Variants in PHRF1 observed in about 807,000 individuals in gnomAD.
PHRF1 encodes PHD and RING finger domain-containing protein 1.
In PHRF1, 53 loss-of-function variants were observed where a neutral mutation model predicts 128.9. The observed-to-expected ratio is 0.41, with a 90% CI of 0.33 to 0.52. The LOEUF is 0.52. Ranked by LOEUF, PHRF1 falls within the 20% of genes least tolerant of loss-of-function variation. PHRF1 has a pLI of 0.21. For synonymous variants in PHRF1, 1,178 were observed against 980.6 expected, an observed-to-expected ratio of 1.20 and a Z score of -3.76; for missense variants, 2,503 against 2,284.5, an observed-to-expected ratio of 1.10 and a Z score of -1.95.
chr11:599,101 T>G (rs1855477881), intron 9 of PHRF1, among the ~76,000 whole-genome samples: 1 of 152,218 alleles, frequency 6.6e-6, no homozygotes, highest in African/African-American at 2.4e-5. Flanking sequence ...GCGTGCACAT[T>G]TGGCTCTCAG....
chr11:609,793 A>T, intron 14 of PHRF1, 73 bp downstream of exon 14: 1 of 1,059,090 alleles, frequency 9.4e-7, no homozygotes, highest in Non-Finnish European at 1.3e-6. Context: ...CCGAGGACAG[A>T]GCCCCCCGTG....
In PHRF1 at chr11:587,413, G is replaced by A. The variant is rs780551636; in HGVS notation, c.369G>A (p.Pro123=). 6 of 1,613,708 alleles carry A rather than the reference G, an allele frequency of 3.7e-6. No homozygotes were observed. The highest frequency in any genetic ancestry group is 3.4e-4 in the Middle Eastern group (2 of 5,904). The change falls in exon 4 of 18, where the codon CCG becomes CCA. Residue 123 remains proline, a synonymous_variant. Transcript: ENST00000264555. ...NAFRDQAVGT[P]ENCAHYFCLD... ...TCAGAGACCAGGCCGTGGGGACGCC[G>A]GAGAACTGTGCCCATTACTTCTGCC...
rs1454664736 is a variant in PHRF1 at position 582,095 on chromosome 11, T to C, written c.214+14T>C. 3.8e-6 allele frequency: 6 copies of C among 1,576,592 alleles called. No homozygotes were observed. Among genetic ancestry groups the C allele is most frequent in the Middle Eastern group, 1.7e-4 (1 of 6,016 alleles). ...AAGACAGATCTGGTGAGACAGCTGG[T>C]GTTCACGCCGGCTCCTGTGTTTCCT... On this transcript the variant is annotated intron_variant, in intron 3 of 17. Coordinates refer to ENST00000264555, the MANE Select transcript of PHRF1 (RefSeq NM_001286581.2).
At position 592,555 on chromosome 11, in the gene PHRF1, C is replaced by T. The variant is rs1855041529; in HGVS notation, c.505-4C>T. 6.2e-7 allele frequency: 1 copy of T among 1,613,742 alleles called. No homozygotes were observed. The highest frequency in any genetic ancestry group is 8.5e-7 in the Non-Finnish European group (1 of 1,179,720). ...TGTGGTGGTGACCGACGATTCTGTC[C>T]TAGATCCCAGTGGAGAACACCAAAG... On this transcript the variant is annotated splice_polypyrimidine_tract_variant and splice_region_variant and intron_variant, in intron 5 of 17. Transcript: ENST00000264555.
At chr11:584,149 C>T (rs1854384564) in intron 3 of PHRF1, among the ~76,000 whole-genome samples, 8 of 152,232 alleles carry the variant, frequency 5.3e-5, no homozygotes, top group Admixed American at 5.2e-4. Context: ...TCTGCACGTG[C>T]TCTGCGGGTC....
chr11:600,836 G>C (rs1855584786), intron 9 of PHRF1, among the ~76,000 whole-genome samples: 1 of 152,018 alleles, frequency 6.6e-6, no homozygotes, highest in African/African-American at 2.4e-5. Flanking sequence ...CATGGTGGCG[G>C]GCGCCTGTAG....
rs539237004 is a variant in PHRF1, at chr11:608,262, T to A, written c.2806T>A (p.Ser936Thr). The A allele has an allele frequency of 3.7e-6, 6 of 1,608,938 alleles. No homozygotes were observed. The highest frequency in any genetic ancestry group is 8.5e-7 in the Non-Finnish European group (1 of 1,179,356). ...QGLAARLRRP[S>T]PPEPWDEEDG... ...CCTGGCTGCCCGGCTGCGGAGGCCA[T>A]CCCCCCCAGAGCCCTGGGATGAGGA... Residue 936 changes from serine to threonine, a missense_variant, in exon 14 of 18, where the codon TCC (serine) becomes ACC (threonine). Physicochemically the swap from Ser to Thr is moderately conservative, Grantham distance 58. Transcript: ENST00000264555.
Position 598,473 on chromosome 11 carries a change from G to A in PHRF1, c.995G>A (p.Arg332His), listed in dbSNP as rs374494964. Residue 332 changes from arginine (R) to histidine (H), a missense_variant, in exon 9 of 18, where the codon CGC becomes CAC. By Grantham distance (29) the Arg-to-His change is conservative. Coordinates refer to ENST00000264555, the MANE Select transcript of PHRF1 (RefSeq NM_001286581.2). ...GTGTATCAGCGCCCCCTGACGCCGC[G>A]CACTCCCGCCCGACGGAAGAGGAAG... ...TAVYQRPLTPRTPARRKRKTR... is the reference protein window; with the variant it reads ...TAVYQRPLTPHTPARRKRKTR... 29 of 1,609,806 alleles carry A rather than the reference G, an allele frequency of 1.8e-5. No individual in the cohort carries two copies. The highest frequency in any genetic ancestry group is 5.0e-5 in the Admixed American group (3 of 59,842).
chr11:591,535 C>G, intron 5 of PHRF1, 68 bp downstream of exon 5: 1 of 1,318,030 alleles, frequency 7.6e-7, no homozygotes, highest in Non-Finnish European at 1.0e-6. Flanking sequence ...ACAGAGCATG[C>G]TTTCCAAAGT....
intron 6 of PHRF1, among the ~76,000 whole-genome samples, chr11:594,220 G>C (rs1855153957): frequency 6.6e-6 from 1 of 152,224 alleles, no homozygotes; most frequent in South Asian, 2.1e-4. Context: ...TGTGAAGGAA[G>C]GGCCTGGGCT....
At chr11:606,013 C>T (rs529750512) in intron 12 of PHRF1, among the ~76,000 whole-genome samples, 5 of 152,346 alleles carry the variant, frequency 3.3e-5, no homozygotes, top group African/African-American at 7.2e-5. Context: ...ACAGGGACAC[C>T]GCCTCGGGCA....
intron 11 of PHRF1, 108 bp from the exon 12 acceptor site, chr11:605,497 C>T (rs773091545): frequency 5.8e-5 from 89 of 1,523,956 alleles, no homozygotes; most frequent in African/African-American, 5.2e-4. Flanking sequence ...TCACACGTGC[C>T]GCCACATGGC....
intron 3 of PHRF1, among the ~76,000 whole-genome samples, chr11:586,849 T>C (rs2132891372): frequency 6.6e-6 from 1 of 151,692 alleles, no homozygotes; most frequent in East Asian, 1.9e-4. Context: ...AAGGGGGCGT[T>C]GGAAATGGGG....
intron 10 of PHRF1, among the ~76,000 whole-genome samples, chr11:604,396 C>T (rs769254098): frequency 3.3e-5 from 5 of 152,380 alleles, no homozygotes; most frequent in South Asian, 4.1e-4. Context: ...CTGCCCTGTC[C>T]GCTCTGCCTA....
intron 2 of PHRF1, 79 bp from the exon 3 acceptor site, chr11:581,883 A>C (rs1854225176): frequency 1.4e-6 from 2 of 1,479,358 alleles, no homozygotes; most frequent in South Asian, 1.4e-5. Context: ...TGACGCCTCT[A>C]TGCCTGTGCA....
At chr11:584,511 G>A (rs1854406736) in intron 3 of PHRF1, among the ~76,000 whole-genome samples, 1 of 152,118 alleles carries the variant, frequency 6.6e-6, no homozygotes, top group African/African-American at 2.4e-5. Flanking sequence ...ATGGACCTGG[G>A]GTGGGGAGAG....
intron 9 of PHRF1, 48 bp downstream of exon 9, chr11:598,550 A>G (rs1180889787): frequency 6.4e-7 from 1 of 1,570,450 alleles, no homozygotes; most frequent in African/African-American, 1.4e-5. Context: ...GCTGGGACCC[A>G]CGCCCGAGGT....
intron 6 of PHRF1, among the ~76,000 whole-genome samples, chr11:593,695 G>A (rs539958475): frequency 2.6e-5 from 4 of 152,172 alleles, no homozygotes; most frequent in African/African-American, 7.2e-5. Flanking sequence ...TCGTCAGTTC[G>A]CCCTCCTCCT....
Position 608,349 on chromosome 11 carries a change from G to C in PHRF1, c.2893G>C (p.Val965Leu), listed in dbSNP as rs771064175. ...GGAGCGGACGGTGACCTGTGTGACTGTCGTGGAGCCGGAAGCCCCACCCAG... is the reference window on the plus strand; with the variant it reads ...GGAGCGGACGGTGACCTGTGTGACTCTCGTGGAGCCGGAAGCCCCACCCAG... ...SEERTVTCVT[V>L]VEPEAPPSPD... Residue 965 changes from valine (V) to leucine (L), a missense_variant, in exon 14 of 18, where the codon GTC (valine) becomes CTC (leucine). Coordinates refer to ENST00000264555, the MANE Select transcript of PHRF1 (RefSeq NM_001286581.2). The C allele has an allele frequency of 5.6e-6, 9 of 1,609,984 alleles. No individual in the cohort carries two copies. The highest frequency in any genetic ancestry group is 7.6e-6 in the Non-Finnish European group (9 of 1,178,994).
Sources: allele counts gnomAD v4.1 joint callset (sites outside exome capture counted in the v4.1 genomes callset), GRCh38; gene constraint gnomAD v4.1.1; transcripts MANE v1.5; gene names NCBI Gene and HGNC (gene_info 2026-07-23, HGNC 2026-07-21).